Variants in SLC4A4 observed in about 807,000 individuals in gnomAD.
SLC4A4 encodes the protein electrogenic sodium bicarbonate cotransporter 1.
In SLC4A4, 27 loss-of-function variants were observed where a neutral mutation model predicts 111.5. That is an observed-to-expected ratio of 0.24 (90% CI 0.18 to 0.33). The LOEUF (loss-of-function observed/expected upper bound fraction) is 0.33, where lower values mean the gene tolerates loss of function less well. SLC4A4 is among the 10% of genes least tolerant of loss of function. The probability of loss-of-function intolerance (pLI) is 1.00; values close to 1 mark genes in which losing one functional copy is unlikely to be tolerated. For synonymous variants in SLC4A4, 443 were observed against 463.4 expected (o/e 0.96, Z 0.57); for missense variants, 909 against 1,315.5 (o/e 0.69, Z 4.78).
intron 3 of SLC4A4, among the ~76,000 whole-genome samples, chr4:71,307,903 A>C (rs1306596142): frequency 6.6e-6 from 1 of 152,146 alleles, no homozygotes; most frequent in Non-Finnish European, 1.5e-5. Context: ...ATAGGTGTGG[A>C]AAGAACTGCT....
At chr4:71,243,954 G>A (rs1172134693) in intron 2 of SLC4A4, among the ~76,000 whole-genome samples, 1 of 151,938 alleles carries the variant, frequency 6.6e-6, no homozygotes, top group African/African-American at 2.4e-5. Flanking sequence ...AAAACTTCCG[G>A]GAATAAAAAG....
At position 71,567,073 on chromosome 4, in the gene SLC4A4, G is replaced by C. The variant is rs200777620; in HGVS notation, c.*26G>C. On this transcript the variant is annotated 3_prime_UTR_variant, in exon 25 of 26. Coordinates refer to ENST00000264485, the MANE Select transcript of SLC4A4 (RefSeq NM_001098484.3). ...TAAAATTCCTTTCCTTCAGTCACTCGGTATGCCAAGGTAAAGGAGAGCCCA... is the reference window on the plus strand; with the variant it reads ...TAAAATTCCTTTCCTTCAGTCACTCCGTATGCCAAGGTAAAGGAGAGCCCA... 46 of 1,608,096 alleles carry C rather than the reference G, an allele frequency of 2.9e-5. No individual in the cohort carries two copies. The South Asian group carries it at 5.1e-4, about 18-fold the overall frequency.
At chr4:71,186,791 C>G (rs969168302), upstream of SLC4A4, 3 of 152,114 alleles carry the variant, frequency 2.0e-5, no homozygotes, top group African/African-American at 7.2e-5. Context: ...CGGCCGCCTT[C>G]CGTGAGCCCC....
intron 1 of SLC4A4, among the ~76,000 whole-genome samples, chr4:71,210,534 T>G (rs940948084): frequency 6.6e-6 from 1 of 152,196 alleles, no homozygotes; most frequent in African/African-American, 2.4e-5. Flanking sequence ...TTCTTATCGG[T>G]TATTTCTCAC....
chr4:71,218,742 T>C (rs954334662), intron 1 of SLC4A4, among the ~76,000 whole-genome samples: 5 of 152,202 alleles, frequency 3.3e-5, no homozygotes, highest in African/African-American at 7.2e-5. Flanking sequence ...AGCTATTTCA[T>C]TGACGAGTAG....
chr4:71,294,283 G>C (rs1166807201), intron 3 of SLC4A4, among the ~76,000 whole-genome samples: 1 of 152,198 alleles, frequency 6.6e-6, no homozygotes, highest in Non-Finnish European at 1.5e-5. Flanking sequence ...CCCCTGACAG[G>C]TGTGGAACTT....
chr4:71,436,533 T>G (rs1395864951), intron 7 of SLC4A4, among the ~76,000 whole-genome samples: 1 of 152,172 alleles, frequency 6.6e-6, no homozygotes, highest in Non-Finnish European at 1.5e-5. Flanking sequence ...ATTCTGCACA[T>G]GTACCCCAGA....
rs771883561 is a variant in SLC4A4 at position 71,255,399 on chromosome 4, A to G, written c.253A>G (p.Ile85Val). 33 of 1,612,976 alleles carry G rather than the reference A, an allele frequency of 2.0e-5. No individual in the cohort carries two copies. Among genetic ancestry groups the G allele is most frequent in the African/African-American group, 6.7e-5 (5 of 74,888 alleles). Reference protein sequence around the residue: ...ESSSSILKPLISPAAERIRFI... With the variant: ...ESSSSILKPLVSPAAERIRFI... ...CAGCAGCAGCATCCTAAAACCTCTCAGTGAGTACTCTCTGAGCGTTGGTGC... is the reference window on the plus strand; with the variant it reads ...CAGCAGCAGCATCCTAAAACCTCTCGGTGAGTACTCTCTGAGCGTTGGTGC... The change falls in exon 3 of 26, where the codon ATC becomes GTC. Residue 85 changes from isoleucine (I) to valine (V), a missense_variant and splice_region_variant. Coordinates refer to ENST00000264485, the MANE Select transcript of SLC4A4 (RefSeq NM_001098484.3).
At chr4:71,531,415 G>T (rs1733902526) in intron 16 of SLC4A4, among the ~76,000 whole-genome samples, 1 of 152,104 alleles carries the variant, frequency 6.6e-6, no homozygotes, top group African/African-American at 2.4e-5. Context: ...CCTGGATTGA[G>T]AAATATTTTA....
At chr4:71,404,937 A>C (rs1336955052) in intron 7 of SLC4A4, among the ~76,000 whole-genome samples, 1 of 151,980 alleles carries the variant, frequency 6.6e-6, no homozygotes, top group Non-Finnish European at 1.5e-5. Context: ...TGGGGACTAC[A>C]GGTGCACACC....
At chr4:71,443,951 A>T (rs774819160) in intron 8 of SLC4A4, among the ~76,000 whole-genome samples, 4 of 152,220 alleles carry the variant, frequency 2.6e-5, no homozygotes, top group Non-Finnish European at 5.9e-5. Flanking sequence ...CATGTAATGC[A>T]GTTGGTTATG....
At chr4:71,429,402 T>G (rs977368143) in intron 7 of SLC4A4, among the ~76,000 whole-genome samples, 4 of 151,958 alleles carry the variant, frequency 2.6e-5, no homozygotes, top group African/African-American at 9.7e-5. Context: ...GGAAAACCAC[T>G]CAGAAAATAA....
intron 8 of SLC4A4, among the ~76,000 whole-genome samples, chr4:71,447,401 T>G (rs1725334480): frequency 6.6e-6 from 1 of 152,232 alleles, no homozygotes; most frequent in African/African-American, 2.4e-5. Flanking sequence ...TCCTGCTCAG[T>G]GAAGAAGCTT....
chr4:71,145,360 T>G (rs1744133486), intron 2 of SLC4A4, among the ~76,000 whole-genome samples: 1 of 152,254 alleles, frequency 6.6e-6, no homozygotes, highest in Non-Finnish European at 1.5e-5. Flanking sequence ...AGTATTTTAT[T>G]GAGGATTTTT....
At chr4:71,485,104 T>C (rs144404283) in intron 14 of SLC4A4, among the ~76,000 whole-genome samples, 2 of 151,832 alleles carry the variant, frequency 1.3e-5, no homozygotes, top group Admixed American at 6.6e-5. Flanking sequence ...TTTGACTTCC[T>C]CTCTTCCTAT....
chr4:71,146,547 G>T (rs991838839), intron 2 of SLC4A4, among the ~76,000 whole-genome samples: 47 of 152,146 alleles, frequency 3.1e-4, no homozygotes, highest in Admixed American at 4.6e-4. Flanking sequence ...GGACAGTGGG[G>T]TGTTAAAGTC....
chr4:71,249,817 G>A (rs1202440071), intron 2 of SLC4A4, among the ~76,000 whole-genome samples: 1 of 151,574 alleles, frequency 6.6e-6, no homozygotes, highest in Admixed American at 6.6e-5. Context: ...TGGGGAGGCA[G>A]AGGCTGCAGT....
chr4:71,084,857 A>G (rs540081462), intron 1 of SLC4A4, among the ~76,000 whole-genome samples: 5 of 152,194 alleles, frequency 3.3e-5, no homozygotes, highest in East Asian at 1.9e-4. Context: ...TAGTGCCACA[A>G]TAAACATACC....
At chr4:71,267,366 T>C (rs995997364) in intron 3 of SLC4A4, among the ~76,000 whole-genome samples, 1 of 151,938 alleles carries the variant, frequency 6.6e-6, no homozygotes, top group African/African-American at 2.4e-5. Context: ...TGGTGAAGGC[T>C]GTAAGTGAAA....
Sources: allele counts gnomAD v4.1 joint callset (sites outside exome capture counted in the v4.1 genomes callset), GRCh38; gene constraint gnomAD v4.1.1; transcripts MANE v1.5; gene names NCBI Gene and HGNC (gene_info 2026-07-23, HGNC 2026-07-21).